The following CFAP77 variants were observed in gnomAD, a reference collection of about 807,000 sequenced individuals.
The protein encoded by CFAP77 is cilia and flagella associated protein 77.
A neutral mutation model predicts 31.1 loss-of-function variants in CFAP77; 25 were observed. The observed-to-expected ratio is 0.80, with a 90% confidence interval of 0.59 to 1.12. The LOEUF (loss-of-function observed/expected upper bound fraction) is 1.12, where lower values mean the gene tolerates loss of function less well. CFAP77 is among the 50% of genes most tolerant of loss of function. CFAP77 has a pLI of 0.00. For synonymous variants in CFAP77, 151 were observed against 159.9 expected, an observed-to-expected ratio of 0.94 and a Z score of 0.42; for missense variants, 377 against 397.3, an observed-to-expected ratio of 0.95 and a Z score of 0.44.
intron 1 of CFAP77, among the ~76,000 whole-genome samples, chr9:132,443,620 GC>G (rs1850656472): frequency 6.6e-6 from 1 of 152,134 alleles, no homozygotes; most frequent in South Asian, 2.1e-4. Context: ...TTGGTAAACG[GC>G]CCTTCGTGAA....
chr9:132,513,454 T>G, intron 3 of CFAP77: 1 of 1,360,004 alleles, frequency 7.4e-7, no homozygotes, highest in South Asian at 1.7e-5. Flanking sequence ...CTCCCCGTCT[T>G]CCCTGAGGAC....
rs1343969985 is a variant in CFAP77 at position 132,554,175 on chromosome 9, GT to G, written c.732+11129del. Among the ~76,000 whole-genome samples, 15 of 152,256 alleles carry G rather than the reference GT, an allele frequency of 9.9e-5. No homozygotes were observed. Among genetic ancestry groups the G allele is most frequent in the African/African-American group, 3.6e-4 (15 of 41,532 alleles). ...AAAGCCCTATGTCCCTAATCATCGA[GT>G]GCACTGTCATGCCTTCTGTTGTGGA... On this transcript the variant is annotated intron_variant, in intron 5 of 5. Transcript: ENST00000393216. This position sits in a 1 kb window ranked among gnomAD's most constrained non-coding sequence, Gnocchi z 4.1.
rs1851815614 is a variant in CFAP77 at position 132,499,994 on chromosome 9, AT to A, written c.524+398del. ...GGCAAAACCCCGTCTCTACAAAAAA[AT>A]TTTAAAAATTAGCTGGGCATTGTGG... On this transcript the variant is annotated intron_variant, in intron 3 of 5. Coordinates refer to ENST00000393216, the MANE Select transcript of CFAP77 (RefSeq NM_001282957.2). This position sits in a 1 kb window ranked among gnomAD's most constrained non-coding sequence, Gnocchi z 5.4. Among the ~76,000 whole-genome samples, 1 of 152,076 alleles carries A rather than the reference AT, an allele frequency of 6.6e-6. No individual in the cohort carries two copies.
chr9:132,551,563 C>T (rs562838025), intron 5 of CFAP77, among the ~76,000 whole-genome samples: 28 of 152,028 alleles, frequency 1.8e-4, no homozygotes, highest in East Asian at 1.6e-3. Context: ...CCCAAAGTGC[C>T]GGGATTACAG....
intron 3 of CFAP77, among the ~76,000 whole-genome samples, chr9:132,531,828 G>T (rs575537759): frequency 6.6e-6 from 1 of 152,114 alleles, no homozygotes; most frequent in African/African-American, 2.4e-5. Flanking sequence ...TTACTCTCAT[G>T]CCCCAAGCCC....
At chr9:132,526,829 C>A (rs1468699194) in intron 3 of CFAP77, among the ~76,000 whole-genome samples, 7 of 57,118 alleles carry the variant, frequency 1.2e-4, no homozygotes, top group Non-Finnish European at 2.5e-4. Context: ...CTGAATAGAC[C>A]AATAACAGGC....
chr9:132,475,074 T>C (rs1166686376), intron 1 of CFAP77, among the ~76,000 whole-genome samples: 1 of 152,216 alleles, frequency 6.6e-6, no homozygotes, highest in Non-Finnish European at 1.5e-5. Flanking sequence ...AGACAAAAAC[T>C]TTTAACTGTT....
Position 132,554,791 on chromosome 9 carries a change from G to A in CFAP77, c.732+11744G>A, listed in dbSNP as rs1852872035. Among the ~76,000 whole-genome samples the A allele has an allele frequency of 6.6e-6, 1 of 152,180 alleles. No homozygotes were observed. Among genetic ancestry groups the A allele is most frequent in the Admixed American group, 6.5e-5 (1 of 15,272 alleles). On this transcript the variant is annotated intron_variant, in intron 5 of 5. Transcript: ENST00000393216. The surrounding 1 kb of genome is among the most constrained non-coding windows in gnomAD (Gnocchi z 4.1). ...AGATCTTCAGGGTGCCTGAATCTTGGATGCATTCCTAAGGGCTGTGTTGCC... is the reference window on the plus strand; with the variant it reads ...AGATCTTCAGGGTGCCTGAATCTTGAATGCATTCCTAAGGGCTGTGTTGCC...
chr9:132,522,835 G>A (rs900657730), intron 3 of CFAP77, among the ~76,000 whole-genome samples: 4 of 152,212 alleles, frequency 2.6e-5, no homozygotes, highest in Non-Finnish European at 4.4e-5. Flanking sequence ...CCTGTGCATG[G>A]TAGGCGGAGC....
chr9:132,410,435 A>T lies in CFAP77; in HGVS notation c.164A>T (p.Asp55Val). The part of the protein sequence containing the change: ...MENERLGVVR[D>V]SMFQNPLIVK... Reference sequence around the variant, plus strand: ...AACGAGCGGCTGGGGGTCGTGCGGGACTCCATGTTTCAGAACCCTCTCATC... The same window carrying T: ...AACGAGCGGCTGGGGGTCGTGCGGGTCTCCATGTTTCAGAACCCTCTCATC... The change falls in exon 1 of 6, where the codon GAC (aspartate) becomes GTC (valine). Residue 55 changes from aspartate (D) to valine (V), a missense_variant. Transcript: ENST00000393216. 11 of 1,593,714 alleles carry T rather than the reference A, an allele frequency of 6.9e-6. No individual in the cohort carries two copies. The highest frequency in any genetic ancestry group is 8.5e-6 in the Non-Finnish European group (10 of 1,172,104).
chr9:132,460,920 T>TG (rs1409777656), intron 1 of CFAP77, among the ~76,000 whole-genome samples: 1 of 152,116 alleles, frequency 6.6e-6, no homozygotes, highest in Non-Finnish European at 1.5e-5. Flanking sequence ...GAGACGGGGT[T>TG]TCACCATGTT....
intron 1 of CFAP77, among the ~76,000 whole-genome samples, chr9:132,421,076 C>T (rs1389747738): frequency 7.1e-6 from 1 of 140,542 alleles, no homozygotes; most frequent in Non-Finnish European, 1.5e-5. Flanking sequence ...GGTGTGATCT[C>T]GGCTCACTGC....
chr9:132,567,233 A>C (rs1829895175), intron 5 of CFAP77, among the ~76,000 whole-genome samples: 1 of 152,228 alleles, frequency 6.6e-6, no homozygotes, highest in Non-Finnish European at 1.5e-5. Flanking sequence ...TCTTGTGCCC[A>C]AAACACCCCT....
At chr9:132,502,649 A>T (rs1851870785) in intron 3 of CFAP77, among the ~76,000 whole-genome samples, 1 of 152,202 alleles carries the variant, frequency 6.6e-6, no homozygotes, top group Non-Finnish European at 1.5e-5. Flanking sequence ...TATAGCACGC[A>T]TGTGAATTTC....
rs1345164268 is a variant in CFAP77, at chr9:132,559,359, A to AAAAAAAAAAAAAAAAAAAAAAAAAAAAAC, written c.733-13022_733-13021insAAAAAAAAAAAAAAAAAAAAACAAAAAAA. Among the ~76,000 whole-genome samples the AAAAAAAAAAAAAAAAAAAAAAAAAAAAAC allele has an allele frequency of 2.0e-5, 3 of 150,304 alleles. 1 individual carries two copies. The highest frequency in any genetic ancestry group is 4.4e-5 in the Non-Finnish European group (3 of 67,596). Reference sequence around the variant, plus strand: ...GACTCTGTCTTGCAAAAAAAAAAAAAAAAAAAAGGCAAAAGATAGGAACAG... The same window carrying AAAAAAAAAAAAAAAAAAAAAAAAAAAAAC: ...GACTCTGTCTTGCAAAAAAAAAAAAAAAAAAAAAAAAAAAAAAAAAAAAAAAAACAAAAAAAGGCAAAAGATAGGAACAG... On this transcript the variant is annotated intron_variant, in intron 5 of 5. Coordinates refer to ENST00000393216, the MANE Select transcript of CFAP77 (RefSeq NM_001282957.2).
intron 1 of CFAP77, among the ~76,000 whole-genome samples, chr9:132,457,867 A>G (rs940682809): frequency 3.2e-4 from 49 of 152,324 alleles, no homozygotes; most frequent in Non-Finnish European, 1.0e-4. Flanking sequence ...ACCCCAGATA[A>G]AATCAGCTCC....
In CFAP77 at chr9:132,552,077, C is replaced by T. The variant is rs996964189; in HGVS notation, c.732+9030C>T. 6.6e-6 allele frequency among the ~76,000 whole-genome samples: 1 copy of T among 152,232 alleles called. No homozygotes were observed. Among genetic ancestry groups the T allele is most frequent in the Non-Finnish European group, 1.5e-5 (1 of 68,042 alleles). On this transcript the variant is annotated intron_variant, in intron 5 of 5. Transcript: ENST00000393216. The surrounding 1 kb of genome is among the most constrained non-coding windows in gnomAD (Gnocchi z 5.5). ...GGAAAGAGGCGGCTGATCCCGGATTCAGGCTTACTGCGTTAAAAGTGGGAG... is the reference window on the plus strand; with the variant it reads ...GGAAAGAGGCGGCTGATCCCGGATTTAGGCTTACTGCGTTAAAAGTGGGAG...
chr9:132,560,914 G>C (rs186248035), intron 5 of CFAP77, among the ~76,000 whole-genome samples: 1 of 152,162 alleles, frequency 6.6e-6, no homozygotes, highest in Admixed American at 6.5e-5. Context: ...CTTTGAAATC[G>C]CAGCATGTGT....
intron 1 of CFAP77, among the ~76,000 whole-genome samples, chr9:132,413,348 G>A (rs974862177): frequency 2.6e-5 from 4 of 152,146 alleles, no homozygotes; most frequent in Non-Finnish European, 4.4e-5. Flanking sequence ...ACAACCATTT[G>A]CCTCATTTAA....
Sources: allele counts gnomAD v4.1 joint callset (sites outside exome capture counted in the v4.1 genomes callset), GRCh38; gene constraint gnomAD v4.1.1; non-coding constraint Gnocchi (gnomAD v3.1); transcripts MANE v1.5; gene names NCBI Gene and HGNC (gene_info 2026-07-23, HGNC 2026-07-21).